Variants in PDE1C observed in about 807,000 individuals in gnomAD.
The protein encoded by PDE1C is dual specificity calcium/calmodulin-dependent 3',5'-cyclic nucleotide phosphodiesterase 1C.
In PDE1C, 62 loss-of-function variants were observed where a neutral mutation model predicts 93.1. The observed-to-expected ratio is 0.67, with a 90% CI of 0.54 to 0.82. The LOEUF (loss-of-function observed/expected upper bound fraction) is 0.82. PDE1C is among the 40% of genes least tolerant of loss of function. PDE1C has a pLI of 0.00. For missense variants in PDE1C, 742 were observed against 884.6 expected, an observed-to-expected ratio of 0.84 and a Z score of 2.04; for synonymous variants, 325 against 310.1, an observed-to-expected ratio of 1.05 and a Z score of -0.50.
intron 17 of PDE1C, among the ~76,000 whole-genome samples, chr7:31,769,195 C>T (rs1344281904): frequency 6.6e-6 from 1 of 152,142 alleles, no homozygotes; most frequent in Non-Finnish European, 1.5e-5. Context: ...AATAATTTAG[C>T]TATTTTAACT....
chr7:31,983,963 G>A (rs921138401), intron 2 of PDE1C, among the ~76,000 whole-genome samples: 2 of 152,154 alleles, frequency 1.3e-5, no homozygotes, highest in East Asian at 3.9e-4. Context: ...CAAAGATGCT[G>A]CAGGCTGCCC....
chr7:32,372,117 A>C (rs1784345619), intron 1 of PDE1C, among the ~76,000 whole-genome samples: 1 of 147,698 alleles, frequency 6.8e-6, no homozygotes, highest in Non-Finnish European at 1.5e-5. Flanking sequence ...GCAGTGGCAC[A>C]ATTTCGGCTC....
intron 1 of PDE1C, among the ~76,000 whole-genome samples, chr7:32,427,123 C>T (rs2128101102): frequency 6.6e-6 from 1 of 152,290 alleles, no homozygotes; most frequent in African/African-American, 2.4e-5. Context: ...TCACTATTCC[C>T]TCAGCTGAAG....
At chr7:32,146,463 C>G (rs1056064857) in intron 3 of PDE1C, among the ~76,000 whole-genome samples, 5 of 152,136 alleles carry the variant, frequency 3.3e-5, no homozygotes, top group Non-Finnish European at 5.9e-5. Context: ...CCTCCATTTT[C>G]CTAGTTAGCA....
chr7:32,072,408 G>C (rs112861353), upstream of PDE1C, among the ~76,000 whole-genome samples: 36 of 152,288 alleles, frequency 2.4e-4, no homozygotes, highest in Middle Eastern at 0.014. Context: ...TTTTAACATG[G>C]AGTTCATCTA....
chr7:31,700,972 G>T, the PDE1C span, among the ~76,000 whole-genome samples: 2 of 152,124 alleles, frequency 1.3e-5, no homozygotes, highest in African/African-American at 4.8e-5. Context: ...AGCTCTGATG[G>T]AGGCACACAA....
intron 2 of PDE1C, among the ~76,000 whole-genome samples, chr7:32,005,217 G>A (rs1393990596): frequency 4.6e-5 from 7 of 152,056 alleles, no homozygotes; most frequent in Non-Finnish European, 1.0e-4. Flanking sequence ...TTTTTATCAA[G>A]TGCCCACTCA....
chr7:31,761,356 C>G (rs74886131), intron 17 of PDE1C, among the ~76,000 whole-genome samples: 373 of 152,230 alleles, frequency 2.5e-3, no homozygotes, highest in African/African-American at 8.5e-3. Flanking sequence ...CTTGAATAAT[C>G]AATAATTTTG....
chr7:31,750,270 G>C (rs1046007546), downstream of PDE1C, among the ~76,000 whole-genome samples: 2 of 145,698 alleles, frequency 1.4e-5, no homozygotes, highest in Non-Finnish European at 3.0e-5. Context: ...GGCAAGAGAC[G>C]GCCACAGTAG....
chr7:32,238,837 T>C (rs1420555849), intron 1 of PDE1C, among the ~76,000 whole-genome samples: 1 of 152,202 alleles, frequency 6.6e-6, no homozygotes, highest in African/African-American at 2.4e-5. Flanking sequence ...TTCACACCAT[T>C]TACATCTTTC....
the PDE1C span, among the ~76,000 whole-genome samples, chr7:31,626,311 T>C: frequency 6.6e-6 from 1 of 152,236 alleles, no homozygotes; most frequent in Non-Finnish European, 1.5e-5. Flanking sequence ...ATAACTCCTT[T>C]TGAAGAGTTC....
intron 2 of PDE1C, among the ~76,000 whole-genome samples, chr7:31,933,844 G>T (rs561782116): frequency 6.6e-6 from 1 of 152,250 alleles, no homozygotes; most frequent in South Asian, 2.1e-4. Flanking sequence ...GTTTTCTGAG[G>T]CTTCACCAGA....
At chr7:31,902,469 G>A (rs1258208756) in intron 2 of PDE1C, among the ~76,000 whole-genome samples, 3 of 151,712 alleles carry the variant, frequency 2.0e-5, no homozygotes, top group Non-Finnish European at 4.4e-5. Flanking sequence ...TTGCTGATGG[G>A]TCTATAAATT....
intron 1 of PDE1C, 60 bp downstream of exon 1, chr7:32,070,233 T>C: frequency 6.2e-7 from 1 of 1,609,672 alleles, no homozygotes; most frequent in Non-Finnish European, 8.5e-7. Flanking sequence ...ACTGCGGCTG[T>C]GTGGTAAAAT....
chr7:31,900,813 T>C (rs554005325), intron 2 of PDE1C, among the ~76,000 whole-genome samples: 10 of 152,034 alleles, frequency 6.6e-5, no homozygotes, highest in African/African-American at 2.2e-4. Flanking sequence ...TTCAGTGTTG[T>C]CATTGTTTAA....
intron 1 of PDE1C, among the ~76,000 whole-genome samples, chr7:32,316,886 C>A (rs1413920350): frequency 1.3e-5 from 2 of 152,318 alleles, no homozygotes; most frequent in East Asian, 3.9e-4. Flanking sequence ...TAACACACTG[C>A]CTCTCAAGCC....
At chr7:31,675,115 C>T in the PDE1C span, among the ~76,000 whole-genome samples, 1 of 152,284 alleles carries the variant, frequency 6.6e-6, no homozygotes, top group African/African-American at 2.4e-5. Context: ...GCACTGGCAG[C>T]AGTAGCTGGG....
intron 2 of PDE1C, among the ~76,000 whole-genome samples, chr7:31,960,054 G>C (rs945514226): frequency 4.0e-5 from 6 of 151,192 alleles, no homozygotes; most frequent in Admixed American, 1.3e-4. Context: ...ATTGTTAGTA[G>C]AGACAAACCC....
intron 2 of PDE1C, among the ~76,000 whole-genome samples, chr7:31,903,102 C>A (rs1563003914): frequency 6.6e-6 from 1 of 151,754 alleles, no homozygotes; most frequent in Non-Finnish European, 1.5e-5. Flanking sequence ...AGGAAATAAT[C>A]ATTAACTAGA....
Sources: gnomAD v4.1 joint callset for allele counts (sites outside exome capture counted in the v4.1 genomes callset) on GRCh38, gnomAD v4.1.1 for gene constraint, MANE v1.5 for transcripts, NCBI Gene and HGNC (gene_info 2026-07-23, HGNC 2026-07-21) for gene names.